Variants in TTC28 observed in about 807,000 individuals in gnomAD.
TTC28 encodes tetratricopeptide repeat domain 28, also known as tetratricopeptide repeat protein 28.
Under a neutral mutation model 198.0 loss-of-function variants are expected in TTC28, and 61 were observed. That is an observed-to-expected ratio of 0.31 (90% confidence interval 0.25 to 0.38). The LOEUF is 0.38. Ranked by LOEUF, TTC28 falls within the 10% of genes least tolerant of loss-of-function variation. TTC28 has a pLI of 1.00. For synonymous variants in TTC28, 1,171 were observed against 1,297.8 expected (o/e 0.90, Z 2.10); for missense variants, 2,678 against 3,164.0 (o/e 0.85, Z 3.69).
chr22:28,243,056 G>A (rs1428347342), intron 5 of TTC28, among the ~76,000 whole-genome samples: 2 of 148,570 alleles, frequency 1.3e-5, no homozygotes, highest in Non-Finnish European at 3.0e-5. Context: ...AAAAAAACTG[G>A]GCCAGGCGCA....
rs111469498 is a variant in TTC28, at chr22:28,651,311, C to CTTTTTTTTTTTTTTTTTTT, written c.103-21482_103-21481insAAAAAAAAAAAAAAAAAAA. On this transcript the variant is annotated intron_variant, in intron 1 of 22. Coordinates refer to ENST00000397906, the MANE Select transcript of TTC28 (RefSeq NM_001145418.2). ...ACTGCACCCAGTCACTCTGTCACTCCTTTTTTTTGAGACAGGGTCTTGCTG... is the reference window on the plus strand; with the variant it reads ...ACTGCACCCAGTCACTCTGTCACTCCTTTTTTTTTTTTTTTTTTTTTTTTTTTGAGACAGGGTCTTGCTG... 2.4e-4 allele frequency among the ~76,000 whole-genome samples: 35 copies of CTTTTTTTTTTTTTTTTTTT among 147,496 alleles called. 1 individual carries two copies. Among genetic ancestry groups the CTTTTTTTTTTTTTTTTTTT allele is most frequent in the Non-Finnish European group, 2.7e-4 (18 of 66,924 alleles).
chr22:28,146,013 C>A (rs894154862), intron 6 of TTC28, among the ~76,000 whole-genome samples: 11 of 152,144 alleles, frequency 7.2e-5, no homozygotes, highest in African/African-American at 2.7e-4. Context: ...GGATCTAAAG[C>A]CAGGCCATCT....
At chr22:28,299,819 A>C (rs555578283) in intron 3 of TTC28, among the ~76,000 whole-genome samples, 91 of 152,338 alleles carry the variant, frequency 6.0e-4, no homozygotes, top group Non-Finnish European at 1.1e-3. Context: ...AACACACTGC[A>C]GGGCTCTAAG....
At chr22:28,046,161 G>GA (rs958455652) in intron 12 of TTC28, among the ~76,000 whole-genome samples, 8 of 152,144 alleles carry the variant, frequency 5.3e-5, no homozygotes, top group Admixed American at 2.0e-4. Flanking sequence ...CCATAGGCTA[G>GA]AAAAAATAGT....
chr22:28,271,530 G>A (rs570498299), intron 5 of TTC28, among the ~76,000 whole-genome samples: 20 of 152,246 alleles, frequency 1.3e-4, no homozygotes, highest in African/African-American at 4.8e-4. Context: ...TTGTGGGAGG[G>A]ACCCAGTGGG....
intron 5 of TTC28, among the ~76,000 whole-genome samples, chr22:28,201,609 G>C (rs763220103): frequency 1.1e-4 from 16 of 152,068 alleles, no homozygotes; most frequent in African/African-American, 1.7e-4. Context: ...TTCAGTTGCA[G>C]TAACAGTGGT....
At chr22:28,634,371 G>A (rs1361702596) in intron 1 of TTC28, among the ~76,000 whole-genome samples, 4 of 151,848 alleles carry the variant, frequency 2.6e-5, no homozygotes, top group East Asian at 3.9e-4. Context: ...TTAGCTGGCC[G>A]TGGTGGCACG....
rs930260165 is a variant in TTC28 at position 28,101,156 on chromosome 22, A to C, written c.3417+15T>G. ...TGGAAACAAAAAATCCACTTCAGTCAGGGGTTCTGCTTACCTGGTGTTGGG... is the reference window on the plus strand; with the variant it reads ...TGGAAACAAAAAATCCACTTCAGTCCGGGGTTCTGCTTACCTGGTGTTGGG... On this transcript the variant is annotated intron_variant, in intron 9 of 22. Coordinates refer to ENST00000397906, the MANE Select transcript of TTC28 (RefSeq NM_001145418.2). The C allele has an allele frequency of 2.7e-5, 41 of 1,536,096 alleles. No homozygotes were observed. The highest frequency in any genetic ancestry group is 1.7e-4 in the African/African-American group (12 of 72,462).
At chr22:28,077,056 A>G (rs1941192972) in intron 12 of TTC28, among the ~76,000 whole-genome samples, 1 of 152,184 alleles carries the variant, frequency 6.6e-6, no homozygotes. Context: ...TAATTATTAT[A>G]GTTCTATTAT....
At chr22:28,390,779 G>T (rs1601735068) in intron 2 of TTC28, among the ~76,000 whole-genome samples, 2 of 152,180 alleles carry the variant, frequency 1.3e-5, no homozygotes, top group African/African-American at 2.4e-5. Context: ...CACACTGATG[G>T]GTCTTGACTC....
chr22:28,673,566 C>T (rs1209770741), intron 1 of TTC28, among the ~76,000 whole-genome samples: 1 of 152,114 alleles, frequency 6.6e-6, no homozygotes, highest in Non-Finnish European at 1.5e-5. Flanking sequence ...TCTTTGCACT[C>T]ACAGAATTGC....
At chr22:28,085,631 A>G (rs1348925105) in intron 12 of TTC28, among the ~76,000 whole-genome samples, 1 of 152,202 alleles carries the variant, frequency 6.6e-6, no homozygotes, top group East Asian at 1.9e-4. Context: ...AGCTAACATC[A>G]TAATGACAGG....
chr22:28,410,867 C>T (rs2047070019), intron 2 of TTC28, among the ~76,000 whole-genome samples: 1 of 152,042 alleles, frequency 6.6e-6, no homozygotes. Context: ...ATTTTTCAAC[C>T]TTTTCTAAAG....
At chr22:28,363,882 C>T (rs1379689078) in intron 2 of TTC28, among the ~76,000 whole-genome samples, 3 of 152,126 alleles carry the variant, frequency 2.0e-5, no homozygotes, top group Non-Finnish European at 4.4e-5. Context: ...ATGCCTGTAC[C>T]CCCATTATAT....
rs533832984 is a variant in TTC28 at position 28,377,380 on chromosome 22, T to C, written c.382-70737A>G. Among the ~76,000 whole-genome samples, 33 of 145,040 alleles carry C rather than the reference T, an allele frequency of 2.3e-4. 1 individual carries two copies. In the South Asian group the frequency reaches 7.1e-3, roughly 31 times the overall value. On this transcript the variant is annotated intron_variant, in intron 2 of 22. Transcript: ENST00000397906. ...GGCATGAGCCACTGCTTCTGGTGCC[T>C]TTTTTTTTTTAATATTCAACTTTCT...
At chr22:28,225,228 G>A (rs999233682) in intron 5 of TTC28, among the ~76,000 whole-genome samples, 2 of 152,010 alleles carry the variant, frequency 1.3e-5, no homozygotes, top group African/African-American at 4.8e-5. Context: ...GATGGTGCAT[G>A]CATGTAGTCC....
At chr22:28,579,528 T>C (rs1386305941) in intron 2 of TTC28, among the ~76,000 whole-genome samples, 1 of 149,330 alleles carries the variant, frequency 6.7e-6, no homozygotes, top group Non-Finnish European at 1.5e-5. Flanking sequence ...TAGTTATATA[T>C]AACTATATAT....
intron 3 of TTC28, among the ~76,000 whole-genome samples, chr22:28,304,297 A>C (rs2145803263): frequency 6.6e-6 from 1 of 152,136 alleles, no homozygotes; most frequent in African/African-American, 2.4e-5. Context: ...AAAAAAAAAA[A>C]AGTAGGCAGC....
intron 5 of TTC28, among the ~76,000 whole-genome samples, chr22:28,185,225 T>C (rs1924079234): frequency 6.6e-6 from 1 of 152,182 alleles, no homozygotes; most frequent in Non-Finnish European, 1.5e-5. Flanking sequence ...CACAGGCTGT[T>C]TCTGAGTTGC....
Sources: allele counts gnomAD v4.1 joint callset (sites outside exome capture counted in the v4.1 genomes callset), GRCh38; gene constraint gnomAD v4.1.1; transcripts MANE v1.5; gene names NCBI Gene and HGNC (gene_info 2026-07-23, HGNC 2026-07-21).